Variants in SUPT3H observed in about 807,000 individuals in gnomAD.
The protein encoded by SUPT3H is transcription initiation protein SPT3 homolog.
SUPT3H carries 44 observed loss-of-function variants against 44.3 expected under a neutral mutation model. The observed-to-expected ratio is 0.99, with a 90% CI of 0.78 to 1.28. The LOEUF (loss-of-function observed/expected upper bound fraction) is 1.28. Ranked by LOEUF, SUPT3H falls within the 50% of genes most tolerant of loss-of-function variation. The pLI is 0.00. For missense variants in SUPT3H, 380 were observed against 387.1 expected (o/e 0.98, Z 0.15); for synonymous variants, 124 against 125.6 (o/e 0.99, Z 0.09).
intron 11 of SUPT3H, among the ~76,000 whole-genome samples, chr6:44,813,075 G>C (rs1008945083): frequency 6.6e-6 from 1 of 152,130 alleles, no homozygotes; most frequent in South Asian, 2.1e-4. Flanking sequence ...GCTCTCAGCT[G>C]AGACCCTAGG....
intron 2 of SUPT3H, among the ~76,000 whole-genome samples, chr6:45,287,238 T>C (rs1039612695): frequency 1.4e-5 from 2 of 147,702 alleles, no homozygotes. Flanking sequence ...ACTTAAAGTA[T>C]AATAAAAATA....
chr6:45,256,478 T>C (rs746514802), intron 2 of SUPT3H, among the ~76,000 whole-genome samples: 9 of 152,026 alleles, frequency 5.9e-5, no homozygotes, highest in Non-Finnish European at 8.8e-5. Context: ...CATTACCTAA[T>C]CACCTCCTAA....
At chr6:45,258,105 A>T (rs1459027828) in intron 2 of SUPT3H, among the ~76,000 whole-genome samples, 1 of 152,190 alleles carries the variant, frequency 6.6e-6, no homozygotes. Flanking sequence ...ATTGAATCCA[A>T]TTTTTCTGAA....
Position 45,170,042 on chromosome 6 carries a change from C to A in SUPT3H, c.102-64036G>T, listed in dbSNP as rs540926143. On this transcript the variant is annotated intron_variant, in intron 2 of 10. Coordinates refer to ENST00000371459, the MANE Select transcript of SUPT3H (RefSeq NM_003599.4). ...CAGACTCCTGGAGCTTGCCTTCATACTTCCCACTTCTCTCTTTCAACACAG... is the reference window on the plus strand; with the variant it reads ...CAGACTCCTGGAGCTTGCCTTCATAATTCCCACTTCTCTCTTTCAACACAG... 3.3e-5 allele frequency among the ~76,000 whole-genome samples: 5 copies of A among 152,298 alleles called. No homozygotes were observed. The South Asian group carries it at 1.0e-3, about 32-fold the overall frequency.
chr6:45,114,312 G>C (rs1435468845), intron 2 of SUPT3H, among the ~76,000 whole-genome samples: 1 of 151,796 alleles, frequency 6.6e-6, no homozygotes, highest in Non-Finnish European at 1.5e-5. Flanking sequence ...ATGAGGAAAG[G>C]ACAATAAACA....
intron 2 of SUPT3H, among the ~76,000 whole-genome samples, chr6:45,339,860 T>C (rs1417296198): frequency 2.0e-5 from 3 of 152,226 alleles, no homozygotes; most frequent in Admixed American, 6.5e-5. Flanking sequence ...CTGTACTTTG[T>C]TAGCTTTCAT....
At chr6:44,883,105 T>A (rs1350424764) in intron 10 of SUPT3H, among the ~76,000 whole-genome samples, 1 of 152,212 alleles carries the variant, frequency 6.6e-6, no homozygotes, top group East Asian at 1.9e-4. Flanking sequence ...TGTCTCTGTT[T>A]GCAGGTGACA....
chr6:45,104,302 A>G (rs886713796), intron 3 of SUPT3H, among the ~76,000 whole-genome samples: 1 of 152,146 alleles, frequency 6.6e-6, no homozygotes, highest in Non-Finnish European at 1.5e-5. Flanking sequence ...CAATACCACT[A>G]AAGAGTAAAT....
chr6:45,045,049 A>G (rs1481733998), intron 3 of SUPT3H, among the ~76,000 whole-genome samples: 2 of 152,178 alleles, frequency 1.3e-5, no homozygotes, highest in Non-Finnish European at 2.9e-5. Flanking sequence ...TATACCCACT[A>G]TGTCACTGAA....
intron 2 of SUPT3H, among the ~76,000 whole-genome samples, chr6:45,357,861 TAC>T (rs537405431): frequency 4.0e-4 from 61 of 152,164 alleles, no homozygotes; most frequent in Non-Finnish European, 7.8e-4. Flanking sequence ...CATTCAGAGC[TAC>T]AGTCATAGGA....
intron 2 of SUPT3H, chr6:45,361,489 T>A (rs1286567858): frequency 6.6e-6 from 1 of 152,182 alleles, no homozygotes; most frequent in Non-Finnish European, 1.5e-5. Context: ...ACTCTCAAAG[T>A]GCATTTAAAT....
intron 10 of SUPT3H, 30 bp downstream of exon 10, chr6:44,932,623 A>G (rs1237707237): frequency 6.8e-7 from 1 of 1,470,420 alleles, no homozygotes; most frequent in Non-Finnish European, 9.3e-7. Context: ...TATTATAAAT[A>G]TAACTTTTTA....
chr6:45,280,626 T>G (rs1384573102), intron 2 of SUPT3H, among the ~76,000 whole-genome samples: 1 of 152,336 alleles, frequency 6.6e-6, no homozygotes, highest in East Asian at 1.9e-4. Flanking sequence ...CTGTCTCTTT[T>G]CAATATATTC....
At chr6:45,298,593 C>T (rs938342143) in intron 2 of SUPT3H, among the ~76,000 whole-genome samples, 19 of 151,784 alleles carry the variant, frequency 1.3e-4, no homozygotes, top group African/African-American at 4.4e-4. Flanking sequence ...TCTTGGCCTC[C>T]CTAAAATGTT....
At chr6:45,263,083 CGAA>C (rs1562819466) in intron 2 of SUPT3H, among the ~76,000 whole-genome samples, 1 of 152,086 alleles carries the variant, frequency 6.6e-6, no homozygotes, top group East Asian at 1.9e-4. Context: ...GGAGATTTCT[CGAA>C]GAAGTTAAAA....
At chr6:44,892,178 A>T (rs1159459717) in intron 10 of SUPT3H, among the ~76,000 whole-genome samples, 1 of 152,068 alleles carries the variant, frequency 6.6e-6, no homozygotes, top group African/African-American at 2.4e-5. Context: ...CATATGTTGA[A>T]CCCCTAACCC....
rs146803824 is a variant in SUPT3H, at chr6:44,920,215, C to T, written c.912+12438G>A. 4.7e-3 allele frequency among the ~76,000 whole-genome samples: 720 copies of T among 151,740 alleles called. 9 individuals are homozygous for T. The highest frequency in any genetic ancestry group is 0.016 in the African/African-American group (671 of 41,418). ...TATTTTTCTACAACACAGAGCTGTT[C>T]ATATTAATACTTTGCTTAAAAAAAT... On this transcript the variant is annotated intron_variant, in intron 10 of 10. Transcript: ENST00000371459.
intron 2 of SUPT3H, among the ~76,000 whole-genome samples, chr6:45,111,805 C>A (rs920563365): frequency 9.9e-5 from 15 of 152,088 alleles, no homozygotes; most frequent in African/African-American, 3.4e-4. Flanking sequence ...CCCCCACCCC[C>A]ACTCAGGGAA....
At chr6:44,881,888 G>A (rs1432203562) in intron 10 of SUPT3H, among the ~76,000 whole-genome samples, 1 of 152,138 alleles carries the variant, frequency 6.6e-6, no homozygotes, top group Non-Finnish European at 1.5e-5. Context: ...CTAAAGCAGT[G>A]ATTAGAGGGA....
Sources: gnomAD v4.1 joint callset for allele counts (sites outside exome capture counted in the v4.1 genomes callset) on GRCh38, gnomAD v4.1.1 for gene constraint, MANE v1.5 for transcripts, NCBI Gene and HGNC (gene_info 2026-07-23, HGNC 2026-07-21) for gene names.